Variants in TYW1B observed in about 807,000 individuals in gnomAD.
TYW1B encodes the protein S-adenosyl-L-methionine-dependent tRNA 4-demethylwyosine synthase TYW1B.
In TYW1B, 73 loss-of-function variants were observed where a neutral mutation model predicts 86.9. The observed-to-expected ratio is 0.84, with a 90% CI of 0.70 to 1.02. The LOEUF is 1.02. Ranked by LOEUF, TYW1B falls within the 50% of genes least tolerant of loss-of-function variation. The pLI is 0.00. For synonymous variants in TYW1B, 248 were observed against 292.8 expected (o/e 0.85, Z 1.56); for missense variants, 637 against 827.4 (o/e 0.77, Z 2.82).
chr7:72,683,854 C>T (rs1813942776), intron 11 of TYW1B, among the ~76,000 whole-genome samples: 2 of 152,114 alleles, frequency 1.3e-5, no homozygotes, highest in Non-Finnish European at 2.9e-5. Flanking sequence ...ACACAGCACA[C>T]AAGAACAGAT....
At chr7:72,774,062 CAAAAAAAA>C (rs35480783) in intron 7 of TYW1B, among the ~76,000 whole-genome samples, 324 of 54,852 alleles carry the variant, frequency 5.9e-3, no homozygotes, top group African/African-American at 0.018. Flanking sequence ...AACTCCATCT[CAAAAAAAA>C]AAAAAAAAAA....
At chr7:72,581,302 G>A (rs1340041794) in intron 13 of TYW1B, among the ~76,000 whole-genome samples, 1 of 148,570 alleles carries the variant, frequency 6.7e-6, no homozygotes, top group Non-Finnish European at 1.5e-5. Context: ...AGGGACCATT[G>A]CAAGCTGCAG....
At chr7:72,637,234 G>A (rs1172243336) in intron 11 of TYW1B, among the ~76,000 whole-genome samples, 5 of 152,038 alleles carry the variant, frequency 3.3e-5, no homozygotes. Context: ...GTATCATCAA[G>A]AATTGGTATA....
In TYW1B at chr7:72,633,657, G is replaced by A. The variant is rs1330850913; in HGVS notation, c.1507-4660C>T. Reference sequence around the variant, plus strand: ...GTTTTTGCCTGTGTTTGGAATTTACGTCAGTGGAATCATACATTATTTTGT... The same window carrying A: ...GTTTTTGCCTGTGTTTGGAATTTACATCAGTGGAATCATACATTATTTTGT... On this transcript the variant is annotated intron_variant, in intron 11 of 13. Coordinates refer to ENST00000620995, the MANE Select transcript of TYW1B (RefSeq NM_001145440.3). Among the ~76,000 whole-genome samples, 6 of 152,048 alleles carry A rather than the reference G, an allele frequency of 3.9e-5. No homozygotes were observed. In the South Asian group the frequency reaches 8.3e-4, roughly 21 times the overall value.
chr7:72,621,900 C>T (rs1812227797), intron 12 of TYW1B, among the ~76,000 whole-genome samples: 2 of 152,234 alleles, frequency 1.3e-5, no homozygotes, highest in South Asian at 2.1e-4. Flanking sequence ...GTATTCCTCA[C>T]CTTTGTGGGA....
At chr7:72,791,573 C>T (rs34315915) in intron 6 of TYW1B, among the ~76,000 whole-genome samples, 12,369 of 151,782 alleles carry the variant, frequency 0.081, 815 homozygotes, top group East Asian at 0.32. Context: ...ATCAGGAAAT[C>T]GGGACCATCC....
At chr7:72,643,121 G>A (rs1416765198) in intron 11 of TYW1B, among the ~76,000 whole-genome samples, 3 of 151,986 alleles carry the variant, frequency 2.0e-5, no homozygotes, top group Admixed American at 2.0e-4. Flanking sequence ...GAAAGGATGA[G>A]CATCTATAAT....
chr7:72,795,229 C>CA (rs1419378671), intron 6 of TYW1B, among the ~76,000 whole-genome samples: 3 of 147,954 alleles, frequency 2.0e-5, no homozygotes, highest in African/African-American at 2.5e-5. Flanking sequence ...ACCCTGTCTC[C>CA]AAAAAAAATA....
At chr7:72,654,269 G>T (rs1314230563) in intron 11 of TYW1B, among the ~76,000 whole-genome samples, 1 of 152,044 alleles carries the variant, frequency 6.6e-6, no homozygotes, top group Non-Finnish European at 1.5e-5. Context: ...CACAAAGAAT[G>T]AGCCTTAATA....
intron 13 of TYW1B, among the ~76,000 whole-genome samples, chr7:72,593,073 C>CAGGT (rs1283867812): frequency 6.7e-6 from 1 of 149,554 alleles, no homozygotes; most frequent in Non-Finnish European, 1.5e-5. Flanking sequence ...GAGGCCAAGG[C>CAGGT]AGGTGGATCA....
At chr7:72,757,199 C>A (rs1163213996) in intron 7 of TYW1B, among the ~76,000 whole-genome samples, 1 of 151,982 alleles carries the variant, frequency 6.6e-6, no homozygotes, top group Non-Finnish European at 1.5e-5. Flanking sequence ...GAAACCCTGT[C>A]TCTACTAAAA....
intron 13 of TYW1B, among the ~76,000 whole-genome samples, chr7:72,607,494 GAGGAAGGA>G (rs549052334): frequency 2.0e-5 from 3 of 150,750 alleles, no homozygotes; most frequent in East Asian, 3.9e-4. Flanking sequence ...AGGAGAGAGG[GAGGAAGGA>G]AGGAAGGAAG....
intron 6 of TYW1B, among the ~76,000 whole-genome samples, chr7:72,797,030 C>T (rs1246160059): frequency 3.3e-5 from 5 of 151,988 alleles, no homozygotes; most frequent in Non-Finnish European, 5.9e-5. Flanking sequence ...TGGTCTCGAA[C>T]TCCTGACTTC....
intron 13 of TYW1B, among the ~76,000 whole-genome samples, chr7:72,587,168 C>T (rs202190431): frequency 2.0e-5 from 3 of 151,946 alleles, no homozygotes; most frequent in East Asian, 1.9e-4. Context: ...ATGTTAACTG[C>T]GTGGGAGTAG....
At chr7:72,751,381 A>G (rs1554465053) in intron 7 of TYW1B, among the ~76,000 whole-genome samples, 1 of 152,170 alleles carries the variant, frequency 6.6e-6, no homozygotes, top group Non-Finnish European at 1.5e-5. Context: ...CACCAATCGT[A>G]CTATTGATCT....
At chr7:72,668,461 C>T (rs1224722577) in intron 11 of TYW1B, among the ~76,000 whole-genome samples, 1 of 152,164 alleles carries the variant, frequency 6.6e-6, no homozygotes, top group Non-Finnish European at 1.5e-5. Flanking sequence ...TCGTTAAGAC[C>T]ATTTCCCATT....
At chr7:72,772,628 CT>C (rs1787887483) in intron 7 of TYW1B, among the ~76,000 whole-genome samples, 1 of 152,026 alleles carries the variant, frequency 6.6e-6, no homozygotes, top group East Asian at 1.9e-4. Context: ...ATCTCATTTC[CT>C]TTTTAAACAA....
chr7:72,735,798 A>G (rs1216156803), intron 8 of TYW1B, among the ~76,000 whole-genome samples: 1 of 151,342 alleles, frequency 6.6e-6, no homozygotes, highest in Non-Finnish European at 1.5e-5. Flanking sequence ...TGAACCTGGG[A>G]GGCAGAGATT....
chr7:72,763,429 C>A (rs1787721138), intron 7 of TYW1B, among the ~76,000 whole-genome samples: 1 of 151,322 alleles, frequency 6.6e-6, no homozygotes, highest in South Asian at 2.1e-4. Context: ...ATTACAGGCG[C>A]CCACCACCAC....
Sources: gnomAD v4.1 joint callset for allele counts (sites outside exome capture counted in the v4.1 genomes callset) on GRCh38, gnomAD v4.1.1 for gene constraint, MANE v1.5 for transcripts, NCBI Gene and HGNC (gene_info 2026-07-23, HGNC 2026-07-21) for gene names.